OLA1: variants seen among roughly 807,000 people sequenced by gnomAD.
OLA1 encodes Obg like ATPase 1.
In OLA1, 14 loss-of-function variants were observed where a neutral mutation model predicts 48.4. The ratio of observed to expected loss-of-function variants is 0.29; its 90% CI spans 0.19 to 0.45. The LOEUF (loss-of-function observed/expected upper bound fraction) is 0.45. Ranked by LOEUF, OLA1 falls within the 20% of genes least tolerant of loss-of-function variation. The pLI, the probability that OLA1 is intolerant of heterozygous loss-of-function variation, is 1.00. For synonymous variants in OLA1, 127 were observed against 150.4 expected, an observed-to-expected ratio of 0.84 and a Z score of 1.14; for missense variants, 325 against 467.1, an observed-to-expected ratio of 0.70 and a Z score of 2.80.
At chr2:174,208,053 A>G (rs923112157) in intron 4 of OLA1, among the ~76,000 whole-genome samples, 4 of 152,216 alleles carry the variant, frequency 2.6e-5, no homozygotes, top group Non-Finnish European at 4.4e-5. Context: ...TGCAAAGGAC[A>G]TTAAGGCTCA....
intron 4 of OLA1, among the ~76,000 whole-genome samples, chr2:174,181,855 A>G (rs1316001752): frequency 6.6e-6 from 1 of 152,186 alleles, no homozygotes. Flanking sequence ...TTTTCTCCTC[A>G]GTATTTATTG....
At chr2:174,234,959 G>T (rs1243317665) in intron 2 of OLA1, among the ~76,000 whole-genome samples, 6 of 152,110 alleles carry the variant, frequency 3.9e-5, no homozygotes, top group Admixed American at 3.9e-4. Flanking sequence ...AGGAGTTTAA[G>T]ACCAACCTGG....
At chr2:174,206,450 TCC>T (rs1353888416) in intron 4 of OLA1, among the ~76,000 whole-genome samples, 1 of 152,046 alleles carries the variant, frequency 6.6e-6, no homozygotes, top group Admixed American at 6.6e-5. Flanking sequence ...TGCCCTCACA[TCC>T]CTGAGGAATT....
intron 4 of OLA1, among the ~76,000 whole-genome samples, chr2:174,180,698 T>C (rs548452689): frequency 1.4e-4 from 22 of 152,178 alleles, no homozygotes; most frequent in Non-Finnish European, 2.9e-4. Flanking sequence ...TAACCGAATA[T>C]TCAAGTATGA....
rs560839788 is a variant in OLA1 at position 174,079,138 on chromosome 2, A to C, written c.967-48T>G. ...AAACTAATTGCATTTAAGATGACTG[A>C]TTGTAAGCACAGAGTTTCTTTTCTC... On this transcript the variant is annotated intron_variant, in intron 9 of 10. Transcript: ENST00000284719. 7.2e-6 allele frequency: 11 copies of C among 1,530,702 alleles called. No individual in the cohort carries two copies. In the South Asian group the frequency reaches 1.1e-4, roughly 16 times the overall value. The allele number at this position is 1,530,702 out of a possible 1,614,324, so 94.8% of individuals were successfully genotyped here.
At chr2:174,077,363 T>TACATACATACAC (rs1485338944) in intron 10 of OLA1, among the ~76,000 whole-genome samples, 3 of 150,064 alleles carry the variant, frequency 2.0e-5, no homozygotes, top group African/African-American at 7.4e-5. Flanking sequence ...CATACATACA[T>TACATACATACAC]ACACACACAT....
At chr2:174,201,521 T>C (rs896968819) in intron 4 of OLA1, among the ~76,000 whole-genome samples, 4 of 152,216 alleles carry the variant, frequency 2.6e-5, no homozygotes, top group Non-Finnish European at 5.9e-5. Flanking sequence ...GCTGATTTTT[T>C]TTATTGTTTA....
intron 4 of OLA1, among the ~76,000 whole-genome samples, chr2:174,161,171 CATAG>C (rs1687002627): frequency 6.6e-6 from 1 of 152,072 alleles, no homozygotes; most frequent in African/African-American, 2.4e-5. Flanking sequence ...ATATCACATA[CATAG>C]TTAATACAAT....
At position 174,081,914 on chromosome 2, in the gene OLA1, G is replaced by A. The variant is rs372590652; in HGVS notation, c.869+10C>T. 8 of 1,609,712 alleles carry A rather than the reference G, an allele frequency of 5.0e-6. No individual in the cohort carries two copies. The South Asian group carries it at 6.6e-5, about 13-fold the overall frequency. ...ATAATAAAGTGTAGGGAAAATGAAT[G>A]CTAATTAACCTTTGTGTCATGTTCG... is the stretch of plus-strand genomic sequence containing the variant. On this transcript the variant is annotated intron_variant, in intron 8 of 10. Transcript: ENST00000284719.
intron 4 of OLA1, among the ~76,000 whole-genome samples, chr2:174,216,076 G>C (rs1688354826): frequency 6.6e-6 from 1 of 152,052 alleles, no homozygotes; most frequent in South Asian, 2.1e-4. Context: ...CAGGAGGACT[G>C]CTTGAGCCCA....
intron 3 of OLA1, among the ~76,000 whole-genome samples, chr2:174,223,885 C>T (rs569680908): frequency 2.1e-4 from 32 of 151,538 alleles, no homozygotes; most frequent in African/African-American, 7.5e-4. Flanking sequence ...CTTTGCTTTG[C>T]TAAATAAAGG....
intron 4 of OLA1, among the ~76,000 whole-genome samples, chr2:174,186,792 A>G (rs1687665431): frequency 6.6e-6 from 1 of 152,220 alleles, no homozygotes; most frequent in African/African-American, 2.4e-5. Flanking sequence ...ATGTTTATCT[A>G]TAGCACAGAA....
intron 4 of OLA1, among the ~76,000 whole-genome samples, chr2:174,214,214 T>C (rs1280195949): frequency 6.6e-6 from 1 of 151,896 alleles, no homozygotes; most frequent in African/African-American, 2.4e-5. Context: ...ACACCTGTAG[T>C]CCCAGCTACT....
At chr2:174,118,055 G>A (rs2105364258) in intron 7 of OLA1, among the ~76,000 whole-genome samples, 1 of 152,286 alleles carries the variant, frequency 6.6e-6, no homozygotes, top group African/African-American at 2.4e-5. Context: ...TAAACAGGAA[G>A]CAGGCACAGC....
intron 2 of OLA1, among the ~76,000 whole-genome samples, chr2:174,238,975 T>C (rs1388401337): frequency 6.6e-6 from 1 of 152,110 alleles, no homozygotes; most frequent in Non-Finnish European, 1.5e-5. Context: ...TAATGGATTA[T>C]AACCAAAAGA....
intron 7 of OLA1, among the ~76,000 whole-genome samples, chr2:174,105,847 C>A (rs904604710): frequency 6.6e-6 from 1 of 151,924 alleles, no homozygotes; most frequent in South Asian, 2.1e-4. Context: ...AAAATGAGTA[C>A]GAACCTAGCC....
intron 7 of OLA1, among the ~76,000 whole-genome samples, chr2:174,113,552 A>G (rs1685705592): frequency 6.6e-6 from 1 of 152,220 alleles, no homozygotes; most frequent in African/African-American, 2.4e-5. Context: ...TTACGAGACA[A>G]GGCAAAAACA....
chr2:174,155,906 T>A (rs1209588829), intron 4 of OLA1, among the ~76,000 whole-genome samples: 4 of 152,178 alleles, frequency 2.6e-5, no homozygotes, highest in South Asian at 2.1e-4. Flanking sequence ...CAGAAGTGAT[T>A]AAGGGCACAT....
At chr2:174,199,953 A>G (rs1184610779) in intron 4 of OLA1, among the ~76,000 whole-genome samples, 1 of 152,172 alleles carries the variant, frequency 6.6e-6, no homozygotes, top group Non-Finnish European at 1.5e-5. Context: ...ACAAGCAGAT[A>G]TAAGAATCCA....
Sources: allele counts gnomAD v4.1 joint callset (sites outside exome capture counted in the v4.1 genomes callset), GRCh38; gene constraint gnomAD v4.1.1; transcripts MANE v1.5; gene names NCBI Gene and HGNC (gene_info 2026-07-23, HGNC 2026-07-21).